The following CACNB2 variants were observed in gnomAD, a reference collection of about 807,000 sequenced individuals.
CACNB2 encodes the protein calcium voltage-gated channel auxiliary subunit beta 2.
CACNB2 carries 42 observed loss-of-function variants against 73.3 expected under a neutral mutation model. That is an observed-to-expected ratio of 0.57 (90% CI 0.45 to 0.74). CACNB2 has a LOEUF of 0.74. Among genes scored for constraint, CACNB2 ranks in the 30% least tolerant of loss-of-function variants. CACNB2 has a pLI of 0.00. For synonymous variants in CACNB2, 348 were observed against 310.3 expected (o/e 1.12, Z -1.28); for missense variants, 940 against 853.0 (o/e 1.10, Z -1.27).
At chr10:18,260,405 T>C (rs2037481964) in intron 2 of CACNB2, 4 of 984,694 alleles carry the variant, frequency 4.1e-6, no homozygotes, top group Non-Finnish European at 4.8e-6. Flanking sequence ...TCCAGAGTTA[T>C]GTTTATTTAA....
intron 3 of CACNB2, among the ~76,000 whole-genome samples, chr10:18,482,878 T>C (rs1032615117): frequency 2.0e-5 from 3 of 152,150 alleles, no homozygotes; most frequent in Admixed American, 6.6e-5. Context: ...TTGTAGATGT[T>C]CCAATGATAA....
intron 2 of CACNB2, among the ~76,000 whole-genome samples, chr10:18,268,896 T>C (rs2037927305): frequency 6.6e-6 from 1 of 152,202 alleles, no homozygotes; most frequent in South Asian, 2.1e-4. Flanking sequence ...TCATATGTAC[T>C]CAAAGTATTT....
intron 2 of CACNB2, among the ~76,000 whole-genome samples, chr10:18,186,475 A>T (rs1456428736): frequency 6.6e-6 from 1 of 152,094 alleles, no homozygotes; most frequent in Admixed American, 6.6e-5. Flanking sequence ...AAAGAAAAGA[A>T]GTTTAATTGG....
At chr10:18,497,008 C>G (rs1350118935) in intron 3 of CACNB2, among the ~76,000 whole-genome samples, 1 of 150,880 alleles carries the variant, frequency 6.6e-6, no homozygotes, top group Admixed American at 6.6e-5. Flanking sequence ...GTCAGGGGTT[C>G]GAGACCAGCT....
chr10:18,327,702 G>A (rs2040639620), intron 2 of CACNB2, among the ~76,000 whole-genome samples: 1 of 152,154 alleles, frequency 6.6e-6, no homozygotes, highest in Non-Finnish European at 1.5e-5. Context: ...GGGATTACAG[G>A]TGAGGCATGA....
In CACNB2 at chr10:18,338,675, CTCCTTCCTTCCT is replaced by C. The variant is rs753610343; in HGVS notation, c.214-63232_214-63221del. On this transcript the variant is annotated intron_variant, in intron 2 of 13. Coordinates refer to ENST00000324631, the MANE Select transcript of CACNB2 (RefSeq NM_201596.3). ...TCTCTCTCTTTTTCTTTTTTTCTCT[CTCCTTCCTTCCT>C]TCCTTCCTTCCTTCCTGACTTCCTG... Among the ~76,000 whole-genome samples the C allele has an allele frequency of 4.0e-3, 540 of 134,214 alleles. 2 individuals are homozygous for C. Among genetic ancestry groups the C allele is most frequent in the South Asian group, 0.024 (96 of 4,016 alleles). 88.0% of individuals were successfully genotyped at this position (134,214 alleles called of 152,430 possible).
At chr10:18,328,550 A>G (rs2040674232) in intron 2 of CACNB2, among the ~76,000 whole-genome samples, 1 of 152,150 alleles carries the variant, frequency 6.6e-6, no homozygotes, top group Non-Finnish European at 1.5e-5. Flanking sequence ...TTGCACTTAC[A>G]CTGTTTGTCT....
At chr10:18,460,524 G>A (rs1344813470) in intron 3 of CACNB2, among the ~76,000 whole-genome samples, 1 of 152,004 alleles carries the variant, frequency 6.6e-6, no homozygotes, top group Non-Finnish European at 1.5e-5. Flanking sequence ...ATTGAGTTTA[G>A]TGATGGTGCC....
chr10:18,294,447 C>T (rs578039299), intron 2 of CACNB2, among the ~76,000 whole-genome samples: 2 of 152,128 alleles, frequency 1.3e-5, no homozygotes, highest in African/African-American at 4.8e-5. Flanking sequence ...GTACCGAGGA[C>T]GCAGTGAAAA....
chr10:18,205,564 G>GT (rs2035054930), intron 2 of CACNB2, among the ~76,000 whole-genome samples: 2 of 152,084 alleles, frequency 1.3e-5, no homozygotes, highest in Admixed American at 1.3e-4. Context: ...TTGGTGTATT[G>GT]TTTAATGTAC....
At position 18,198,604 on chromosome 10, in the gene CACNB2, C is replaced by T. The variant is rs1314731863; in HGVS notation, c.213+47629C>T. Reference sequence around the variant, plus strand: ...CTGGAAAATAGCCTGACATTCAGACCTCTGTTCAAGCAATCCCATTTTGTT... The same window carrying T: ...CTGGAAAATAGCCTGACATTCAGACTTCTGTTCAAGCAATCCCATTTTGTT... On this transcript the variant is annotated intron_variant, in intron 2 of 13. Transcript: ENST00000324631. Among the ~76,000 whole-genome samples the T allele has an allele frequency of 2.6e-5, 4 of 152,178 alleles. No individual in the cohort carries two copies. In the East Asian group the frequency reaches 7.7e-4, roughly 29 times the overall value.
At position 18,542,882 on chromosome 10, in the gene CACNB2, T is replaced by A. The variant is rs910578786; in HGVS notation, c.*3158T>A. The stretch of plus-strand genomic sequence containing the variant: ...AAATGCTGGAAATGTATTTAATAGT[T>A]TTTTTTTTTTTTTTTTTTGGTCATA... On this transcript the variant is annotated 3_prime_UTR_variant, in exon 14 of 14. Coordinates refer to ENST00000324631, the MANE Select transcript of CACNB2 (RefSeq NM_201596.3). 1 of 7,952 alleles carries A rather than the reference T, an allele frequency of 1.3e-4. No homozygotes were observed. Among genetic ancestry groups the A allele is most frequent in the Non-Finnish European group, 2.3e-4 (1 of 4,392 alleles). The allele number at this position is 7,952 out of a possible 1,614,324, so 0.5% of individuals were successfully genotyped here.
intron 2 of CACNB2, among the ~76,000 whole-genome samples, chr10:18,301,681 C>T (rs1039806404): frequency 4.0e-5 from 6 of 149,606 alleles, no homozygotes; most frequent in Non-Finnish European, 5.9e-5. Context: ...TGGAGTCTTG[C>T]TCTGTCACCC....
At chr10:18,152,729 AAAAC>A (rs1195751864) in intron 2 of CACNB2, among the ~76,000 whole-genome samples, 6 of 118,250 alleles carry the variant, frequency 5.1e-5, no homozygotes, top group East Asian at 2.9e-4. Flanking sequence ...AAAAAAAAAA[AAAAC>A]AAAAAACAAA....
intron 2 of CACNB2, among the ~76,000 whole-genome samples, chr10:18,166,234 A>C (rs1190580070): frequency 6.6e-6 from 1 of 152,188 alleles, no homozygotes; most frequent in African/African-American, 2.4e-5. Context: ...AATTAATAAT[A>C]ATTCAATTAA....
intron 2 of CACNB2, among the ~76,000 whole-genome samples, chr10:18,180,576 C>T (rs1452397905): frequency 6.6e-6 from 1 of 151,976 alleles, no homozygotes; most frequent in South Asian, 2.1e-4. Flanking sequence ...TTGTATCCCT[C>T]CCTCATGGGG....
In CACNB2 at chr10:18,542,758, T is replaced by C. The variant is rs555169735; in HGVS notation, c.*3034T>C. The C allele has an allele frequency of 1.3e-5, 2 of 152,158 alleles. No homozygotes were observed. The highest frequency in any genetic ancestry group is 3.8e-4 in the East Asian group (2 of 5,198). The allele number at this position is 152,158 out of a possible 1,614,324, so 9.4% of individuals were successfully genotyped here. ...AAATAATCTCAAGGGCAATGGGATATTTACTGACCTGCGGAATGTAAAGTT... is the reference window on the plus strand; with the variant it reads ...AAATAATCTCAAGGGCAATGGGATACTTACTGACCTGCGGAATGTAAAGTT... On this transcript the variant is annotated 3_prime_UTR_variant, in exon 14 of 14. Coordinates refer to ENST00000324631, the MANE Select transcript of CACNB2 (RefSeq NM_201596.3).
chr10:18,417,922 G>GA (rs111483964), intron 3 of CACNB2, among the ~76,000 whole-genome samples: 46,738 of 151,818 alleles, frequency 0.31, 7,528 homozygotes, highest in Middle Eastern at 0.43. Flanking sequence ...TTCGTAAGGG[G>GA]AAAAAAACGA....
chr10:18,233,377 AT>A (rs890975411), intron 2 of CACNB2, among the ~76,000 whole-genome samples: 15 of 151,422 alleles, frequency 9.9e-5, no homozygotes, highest in South Asian at 2.1e-4. Context: ...TTAACTGGTA[AT>A]TTTTTTTTAT....
Sources: gnomAD v4.1 joint callset for allele counts (sites outside exome capture counted in the v4.1 genomes callset) on GRCh38, gnomAD v4.1.1 for gene constraint, MANE v1.5 for transcripts, NCBI Gene and HGNC (gene_info 2026-07-23, HGNC 2026-07-21) for gene names.